Variants in COL23A1 observed in about 807,000 individuals in gnomAD.
The protein encoded by COL23A1 is collagen type XXIII alpha 1 chain.
A neutral mutation model predicts 99.3 loss-of-function variants in COL23A1; 97 were observed. That is an observed-to-expected ratio of 0.98 (90% CI 0.83 to 1.16). The LOEUF is 1.16. COL23A1 is among the 50% of genes most tolerant of loss of function. The pLI, the probability that COL23A1 is intolerant of heterozygous loss-of-function variation, is 0.00. For synonymous variants in COL23A1, 320 were observed against 308.2 expected, an observed-to-expected ratio of 1.04 and a Z score of -0.40; for missense variants, 762 against 757.4, an observed-to-expected ratio of 1.01 and a Z score of -0.07.
chr5:178,464,098 C>T (rs567077201), intron 2 of COL23A1, among the ~76,000 whole-genome samples: 10 of 152,330 alleles, frequency 6.6e-5, no homozygotes, highest in Non-Finnish European at 1.3e-4. Context: ...TACGTTTAAG[C>T]GTACAGCTCA....
chr5:178,373,984 C>T (rs1400452915), intron 2 of COL23A1, among the ~76,000 whole-genome samples: 1 of 152,166 alleles, frequency 6.6e-6, no homozygotes, highest in Non-Finnish European at 1.5e-5. Context: ...CCGGCGCCCG[C>T]ACCCTTCAAC....
chr5:178,348,944 C>T (rs562378116), intron 2 of COL23A1, among the ~76,000 whole-genome samples: 20 of 152,254 alleles, frequency 1.3e-4, no homozygotes, highest in African/African-American at 4.6e-4. Context: ...CAGCACAGGC[C>T]GACCCCCAAA....
At chr5:178,400,913 C>T (rs1284314781) in intron 2 of COL23A1, among the ~76,000 whole-genome samples, 1 of 152,264 alleles carries the variant, frequency 6.6e-6, no homozygotes, top group African/African-American at 2.4e-5. Context: ...GCTGGGATTA[C>T]AGGCATGAGC....
chr5:178,436,633 C>T (rs1259173054), intron 2 of COL23A1, among the ~76,000 whole-genome samples: 1 of 152,220 alleles, frequency 6.6e-6, no homozygotes, highest in Non-Finnish European at 1.5e-5. Flanking sequence ...TTCCCTGTGG[C>T]ATCCCTGTGC....
chr5:178,555,063 A>C (rs1264167978), intron 2 of COL23A1, among the ~76,000 whole-genome samples: 1 of 152,206 alleles, frequency 6.6e-6, no homozygotes, highest in East Asian at 1.9e-4. Context: ...AAATGTGATA[A>C]GGTGCCGTCA....
At chr5:178,450,131 C>T (rs78194337) in intron 2 of COL23A1, among the ~76,000 whole-genome samples, 2 of 152,146 alleles carry the variant, frequency 1.3e-5, no homozygotes, top group Admixed American at 6.5e-5. Context: ...TGAAATAAAA[C>T]ATAATGCCAG....
At chr5:178,344,528 G>A (rs909701293) in intron 2 of COL23A1, among the ~76,000 whole-genome samples, 7 of 152,078 alleles carry the variant, frequency 4.6e-5, no homozygotes, top group Non-Finnish European at 7.4e-5. Flanking sequence ...TCCCAGCTAC[G>A]CAGGAGGCTG....
Position 178,589,618 on chromosome 5 carries a change from T to A in COL23A1, c.294+286A>T, listed in dbSNP as rs1764164099. Among the ~76,000 whole-genome samples the A allele has an allele frequency of 6.6e-6, 1 of 152,070 alleles. No homozygotes were observed. The highest frequency in any genetic ancestry group is 1.5e-5 in the Non-Finnish European group (1 of 67,998). On this transcript the variant is annotated intron_variant, in intron 1 of 28. Coordinates refer to ENST00000390654, the MANE Select transcript of COL23A1 (RefSeq NM_173465.4). The surrounding 1 kb of genome is among the most constrained non-coding windows in gnomAD (Gnocchi z 5.4). Reference sequence around the variant, plus strand: ...GCGCACACCCCGTGGAGACTGACCCTAGGTCTGTTACTCCAAAGTCCCTGG... The same window carrying A: ...GCGCACACCCCGTGGAGACTGACCCAAGGTCTGTTACTCCAAAGTCCCTGG...
intron 22 of COL23A1, 59 bp downstream of exon 22, chr5:178,247,455 CATTGGCAAGGCT>C: frequency 6.4e-7 from 1 of 1,564,040 alleles, no homozygotes; most frequent in Non-Finnish European, 8.8e-7. Flanking sequence ...TTGCTTTGCC[CATTGGCAAGGCT>C]CTTGGAAACT....
rs77429463 is a variant in COL23A1 at position 178,514,998 on chromosome 5, T to C, written c.361+45684A>G. On this transcript the variant is annotated intron_variant, in intron 2 of 28. Transcript: ENST00000390654. ...AGAGCTATTTCCCTCCAGAGTCCAG[T>C]GAAAGACAAGTCACTCTCTTCGAAG... is the stretch of plus-strand genomic sequence containing the variant. 2.3e-3 allele frequency among the ~76,000 whole-genome samples: 350 copies of C among 152,356 alleles called. 2 individuals carry two copies. Among genetic ancestry groups the C allele is most frequent in the African/African-American group, 8.2e-3 (341 of 41,574 alleles).
chr5:178,552,288 G>T (rs1014484095), intron 2 of COL23A1, among the ~76,000 whole-genome samples: 5 of 152,120 alleles, frequency 3.3e-5, no homozygotes, highest in Non-Finnish European at 7.3e-5. Context: ...AATAGGGTAG[G>T]AGAGACGAAT....
rs535798726 is a variant in COL23A1 at position 178,425,872 on chromosome 5, T to A, written c.362-118953A>T. Among the ~76,000 whole-genome samples the A allele has an allele frequency of 1.1e-4, 16 of 152,336 alleles. No homozygotes were observed. The East Asian group carries it at 2.9e-3, about 28-fold the overall frequency. On this transcript the variant is annotated intron_variant, in intron 2 of 28. Transcript: ENST00000390654. ...TCTTGAGAGTGCCGTGGCAGAGGCA[T>A]CTTCTGCTACTGCCTGCCCATGGGG...
chr5:178,462,588 A>C (rs549210337), intron 2 of COL23A1, among the ~76,000 whole-genome samples: 1 of 152,342 alleles, frequency 6.6e-6, no homozygotes, highest in African/African-American at 2.4e-5. Context: ...TGTGCTATTC[A>C]GTATCCTCCA....
intron 2 of COL23A1, among the ~76,000 whole-genome samples, chr5:178,424,340 A>G (rs1765790621): frequency 6.6e-6 from 1 of 152,236 alleles, no homozygotes. Context: ...GTGAATGTGA[A>G]ATTGGGCCTG....
In COL23A1 at chr5:178,248,172, AC is replaced by A. The variant is rs750914222; in HGVS notation, c.1212+19del. ...GGACTGGGTGTTGGGGGAAGCCCTG[AC>A]CCCCCCATACCCCCTTACCAGGCTC... On this transcript the variant is annotated intron_variant, in intron 20 of 28. Transcript: ENST00000390654. 154 of 1,507,336 alleles carry A rather than the reference AC, an allele frequency of 1.0e-4. 1 individual carries two copies. The highest frequency in any genetic ancestry group is 5.6e-5 in the Non-Finnish European group (61 of 1,097,312). The allele number at this position is 1,507,336 out of a possible 1,614,324, so 93.4% of individuals were successfully genotyped here.
At chr5:178,347,922 A>C (rs1008893895) in intron 2 of COL23A1, among the ~76,000 whole-genome samples, 5 of 151,964 alleles carry the variant, frequency 3.3e-5, no homozygotes, top group African/African-American at 9.7e-5. Flanking sequence ...ACAAAAAAAA[A>C]ACAAAGAATA....
At chr5:178,580,886 G>T (rs1763628263) in intron 1 of COL23A1, among the ~76,000 whole-genome samples, 1 of 152,172 alleles carries the variant, frequency 6.6e-6, no homozygotes. Flanking sequence ...GTGCTCACCT[G>T]TAGTCCCAGA....
intron 11 of COL23A1, among the ~76,000 whole-genome samples, chr5:178,260,308 C>T (rs994370048): frequency 6.6e-6 from 1 of 152,154 alleles, no homozygotes; most frequent in Non-Finnish European, 1.5e-5. Context: ...GCTTATCATT[C>T]AATAAATAAT....
intron 2 of COL23A1, among the ~76,000 whole-genome samples, chr5:178,379,794 T>C (rs1022312482): frequency 2.6e-5 from 4 of 151,468 alleles, no homozygotes; most frequent in South Asian, 2.1e-4. Flanking sequence ...GGCAGGAGAA[T>C]TGCTTGAACC....
Sources: allele counts gnomAD v4.1 joint callset (sites outside exome capture counted in the v4.1 genomes callset), GRCh38; gene constraint gnomAD v4.1.1; non-coding constraint Gnocchi (gnomAD v3.1); transcripts MANE v1.5; gene names NCBI Gene and HGNC (gene_info 2026-07-23, HGNC 2026-07-21).